The following RAD51B variants were observed in gnomAD, a reference collection of about 807,000 sequenced individuals.
RAD51B encodes the protein DNA repair protein RAD51 homolog 2.
In RAD51B, 38 loss-of-function variants were observed where a neutral mutation model predicts 42.2. That is an observed-to-expected ratio of 0.90 (90% CI 0.70 to 1.18). The LOEUF (loss-of-function observed/expected upper bound fraction) is 1.18, where lower values mean the gene tolerates loss of function less well. Among genes scored for constraint, RAD51B ranks in the 50% most tolerant of loss-of-function variants. The pLI is 0.00. For missense variants in RAD51B, 373 were observed against 400.7 expected (o/e 0.93, Z 0.59); for synonymous variants, 154 against 145.2 (o/e 1.06, Z -0.43).
chr14:68,573,883 C>A (rs1889831226), intron 10 of RAD51B, among the ~76,000 whole-genome samples: 1 of 152,172 alleles, frequency 6.6e-6, no homozygotes, highest in African/African-American at 2.4e-5. Flanking sequence ...GCCCGGCAAA[C>A]AAGAGCATGC....
rs34632606 is a variant in RAD51B, at chr14:68,291,751, G to T, written c.757-133G>T. 7.3e-3 allele frequency: 4,654 copies of T among 634,326 alleles called. 127 individuals carry two copies. Among genetic ancestry groups the T allele is most frequent in the East Asian group, 0.062 (2,226 of 36,138 alleles). The allele number at this position is 634,326 out of a possible 1,614,324, so 39.3% of individuals were successfully genotyped here. A position where few individuals can be genotyped will look rare whatever the true frequency, so the allele number is the denominator to read the frequency against. Reference sequence around the variant, plus strand: ...TAAAGCTGGTGAAAGTCAGGGCTGGGGTTTTGCTACCTGTGTATTTATCAG... The same window carrying T: ...TAAAGCTGGTGAAAGTCAGGGCTGGTGTTTTGCTACCTGTGTATTTATCAG... On this transcript the variant is annotated intron_variant, in intron 7 of 10. Transcript: ENST00000471583.
intron 7 of RAD51B, among the ~76,000 whole-genome samples, chr14:68,107,974 T>C (rs1566650709): frequency 6.6e-6 from 1 of 151,794 alleles, no homozygotes; most frequent in African/African-American, 2.4e-5. Context: ...AGAACCCTTA[T>C]AATATACCAA....
At chr14:68,429,567 C>T (rs1232880794) in intron 9 of RAD51B, among the ~76,000 whole-genome samples, 2 of 152,194 alleles carry the variant, frequency 1.3e-5, no homozygotes, top group African/African-American at 4.8e-5. Flanking sequence ...TGAAAAGTGT[C>T]TGTTCATATC....
At chr14:68,559,896 G>T (rs1889057286) in intron 10 of RAD51B, among the ~76,000 whole-genome samples, 2 of 152,208 alleles carry the variant, frequency 1.3e-5, no homozygotes, top group African/African-American at 4.8e-5. Context: ...GGGGTCCCCA[G>T]TGCTGAAGGC....
chr14:68,089,938 G>A (rs2140514139), intron 7 of RAD51B, among the ~76,000 whole-genome samples: 2 of 152,122 alleles, frequency 1.3e-5, no homozygotes, highest in South Asian at 4.2e-4. Flanking sequence ...GAGCTTTTAT[G>A]CCCTAAATTA....
At chr14:68,207,229 C>CAT (rs1287100467) in intron 7 of RAD51B, among the ~76,000 whole-genome samples, 6 of 151,960 alleles carry the variant, frequency 3.9e-5, no homozygotes, top group East Asian at 1.9e-4. Flanking sequence ...CACACACATA[C>CAT]ATATATATAT....
intron 10 of RAD51B, among the ~76,000 whole-genome samples, chr14:68,496,421 T>C (rs959098963): frequency 1.3e-5 from 2 of 152,222 alleles, no homozygotes; most frequent in South Asian, 4.1e-4. Context: ...GATGCTGTGC[T>C]TACTTGCCTG....
intron 9 of RAD51B, among the ~76,000 whole-genome samples, chr14:68,459,978 C>A (rs1427326351): frequency 1.3e-5 from 2 of 152,188 alleles, no homozygotes; most frequent in Admixed American, 1.3e-4. Context: ...GTACAGGAAG[C>A]CTTCCTGGCA....
chr14:68,661,619 T>TG (rs1477642914), intron 11 of RAD51B, among the ~76,000 whole-genome samples: 5 of 152,168 alleles, frequency 3.3e-5, no homozygotes, highest in African/African-American at 1.2e-4. Flanking sequence ...CCATCATGGG[T>TG]TGGTATGCCC....
chr14:68,483,817 A>G (rs373683338), intron 10 of RAD51B, among the ~76,000 whole-genome samples: 58 of 152,332 alleles, frequency 3.8e-4, no homozygotes, highest in African/African-American at 1.4e-3. Context: ...AGCTGAGGAC[A>G]TAAGAGATGA....
chr14:68,126,896 G>T (rs1321797495), intron 7 of RAD51B, among the ~76,000 whole-genome samples: 3 of 152,162 alleles, frequency 2.0e-5, no homozygotes, highest in Non-Finnish European at 4.4e-5. Context: ...TCTCAATAAA[G>T]ACTTTAAAGT....
At chr14:68,150,494 A>G (rs2078355335) in intron 7 of RAD51B, among the ~76,000 whole-genome samples, 1 of 152,146 alleles carries the variant, frequency 6.6e-6, no homozygotes, top group Non-Finnish European at 1.5e-5. Flanking sequence ...TTCTTTCATG[A>G]AAGTTTTATA....
At chr14:67,904,035 C>G (rs531368692) in intron 7 of RAD51B, among the ~76,000 whole-genome samples, 2 of 152,180 alleles carry the variant, frequency 1.3e-5, no homozygotes, top group South Asian at 4.1e-4. Flanking sequence ...ATTAATTAGC[C>G]TAGGATAATG....
intron 7 of RAD51B, among the ~76,000 whole-genome samples, chr14:67,907,109 C>T (rs2043805043): frequency 6.6e-6 from 1 of 151,990 alleles, no homozygotes; most frequent in Non-Finnish European, 1.5e-5. Context: ...GTGCCTGGCC[C>T]TGGATCTTCT....
chr14:68,532,584 C>T (rs1465726695), intron 10 of RAD51B, among the ~76,000 whole-genome samples: 2 of 152,162 alleles, frequency 1.3e-5, no homozygotes, highest in Non-Finnish European at 2.9e-5. Context: ...AAATGACTTG[C>T]TACCACAAAT....
intron 7 of RAD51B, among the ~76,000 whole-genome samples, chr14:68,261,873 G>A (rs1189382896): frequency 6.6e-6 from 1 of 152,172 alleles, no homozygotes; most frequent in Non-Finnish European, 1.5e-5. Context: ...AACTTGTGAG[G>A]TTTGACAGAG....
chr14:68,597,662 G>C (rs1891056591), downstream of RAD51B, among the ~76,000 whole-genome samples: 1 of 152,150 alleles, frequency 6.6e-6, no homozygotes, highest in Admixed American at 6.5e-5. Flanking sequence ...GAGAAGAGGA[G>C]GGAGAGGAGC....
chr14:68,357,407 G>A (rs1748633023), intron 8 of RAD51B, among the ~76,000 whole-genome samples: 1 of 152,048 alleles, frequency 6.6e-6, no homozygotes, highest in African/African-American at 2.4e-5. Flanking sequence ...AGTCATTCAT[G>A]AAGGTTAGAA....
intron 7 of RAD51B, among the ~76,000 whole-genome samples, chr14:67,968,880 G>A (rs2074839021): frequency 6.6e-6 from 1 of 152,162 alleles, no homozygotes; most frequent in African/African-American, 2.4e-5. Flanking sequence ...GTATTAGTCT[G>A]TTTTCATGCA....
Sources: allele counts gnomAD v4.1 joint callset (sites outside exome capture counted in the v4.1 genomes callset), GRCh38; gene constraint gnomAD v4.1.1; transcripts MANE v1.5; gene names NCBI Gene and HGNC (gene_info 2026-07-23, HGNC 2026-07-21).